NUP133: variants seen among roughly 807,000 people sequenced by gnomAD.
The protein encoded by NUP133 is nucleoporin 133.
A neutral mutation model predicts 146.2 loss-of-function variants in NUP133; 66 were observed. That is an observed-to-expected ratio of 0.45 (90% CI 0.37 to 0.55). NUP133 has a LOEUF of 0.55. NUP133 is among the 20% of genes least tolerant of loss of function. The pLI is 0.00. For missense variants in NUP133, 1,277 were observed against 1,374.8 expected (o/e 0.93, Z 1.12); for synonymous variants, 521 against 498.8 (o/e 1.04, Z -0.59).
In NUP133 at chr1:229,474,547, T is replaced by C. The variant is rs1661031114; in HGVS notation, c.1851+1091A>G. On this transcript the variant is annotated intron_variant, in intron 14 of 25. Coordinates refer to ENST00000261396, the MANE Select transcript of NUP133 (RefSeq NM_018230.3). ...GGAACAATCAAGTCATTTCTGAAAT[T>C]ATCTAGTGCTGCACTGTCCAATAAG... Among the ~76,000 whole-genome samples, 4 of 152,132 alleles carry C rather than the reference T, an allele frequency of 2.6e-5. No individual in the cohort carries two copies. The South Asian group carries it at 8.3e-4, about 31-fold the overall frequency.
intron 12 of NUP133, among the ~76,000 whole-genome samples, chr1:229,483,295 A>C (rs1261706905): frequency 6.6e-6 from 1 of 152,086 alleles, no homozygotes; most frequent in African/African-American, 2.4e-5. Flanking sequence ...TGTAGAGATG[A>C]GGTCTATGTT....
chr1:229,461,614 A>G (rs1660691755), intron 19 of NUP133, among the ~76,000 whole-genome samples: 1 of 152,194 alleles, frequency 6.6e-6, no homozygotes, highest in African/African-American at 2.4e-5. Flanking sequence ...ACAATGTCTA[A>G]AATACAATTT....
chr1:229,467,021 T>C (rs1280723301), intron 15 of NUP133, among the ~76,000 whole-genome samples: 1 of 152,188 alleles, frequency 6.6e-6, no homozygotes, highest in Non-Finnish European at 1.5e-5. Context: ...TTTTTTATTA[T>C]AGCTACTCTG....
Position 229,464,768 on chromosome 1 carries a change from C to T in NUP133, c.2407G>A (p.Glu803Lys), listed in dbSNP as rs373640878. ...ADSNLRNIVT[E>K]QLVALIDCFL... The stretch of plus-strand genomic sequence containing the variant: ...CAATCGATCAGGGCTACCAGCTGCT[C>T]GGTCACGATGTTTCGGAGGTTGCTG... Residue 803 changes from glutamate (E) to lysine (K), a missense_variant, in exon 18 of 26, where the codon GAG becomes AAG. This residue lies in a region of NUP133 where 952 missense variants were observed against 1,047.0 expected (regional missense o/e 0.91). Transcript: ENST00000261396. 1.9e-5 allele frequency: 30 copies of T among 1,614,178 alleles called. No individual in the cohort carries two copies. The highest frequency in any genetic ancestry group is 1.2e-4 in the South Asian group (11 of 91,078).
chr1:229,446,427 G>A (rs867423540), intron 24 of NUP133, among the ~76,000 whole-genome samples: 6 of 150,554 alleles, frequency 4.0e-5, no homozygotes, highest in African/African-American at 9.8e-5. Flanking sequence ...AAAACAAAAC[G>A]AACAAACAAA....
Position 229,476,057 on chromosome 1 carries a change from C to T in NUP133, c.1757-325G>A, listed in dbSNP as rs147042542. Reference sequence around the variant, plus strand: ...CGGGGAGGTGGAAGTTGCAGTGAGCCGAGATTGCGCCACTGCATTCCAGCC... The same window carrying T: ...CGGGGAGGTGGAAGTTGCAGTGAGCTGAGATTGCGCCACTGCATTCCAGCC... On this transcript the variant is annotated intron_variant, in intron 13 of 25. Coordinates refer to ENST00000261396, the MANE Select transcript of NUP133 (RefSeq NM_018230.3). Among the ~76,000 whole-genome samples the T allele has an allele frequency of 6.7e-3, 1,007 of 151,034 alleles. 15 individuals are homozygous for T. The highest frequency in any genetic ancestry group is 0.023 in the African/African-American group (928 of 41,096).
At chr1:229,476,471 G>C (rs1266268604) in intron 13 of NUP133, among the ~76,000 whole-genome samples, 1 of 152,180 alleles carries the variant, frequency 6.6e-6, no homozygotes, top group Non-Finnish European at 1.5e-5. Flanking sequence ...TCGAGTTTCT[G>C]AGGTGGAAGT....
At chr1:229,450,221 T>G (rs1048454808) in intron 23 of NUP133, among the ~76,000 whole-genome samples, 4 of 152,016 alleles carry the variant, frequency 2.6e-5, no homozygotes, top group Admixed American at 1.3e-4. Context: ...AGTCGTATAT[T>G]ACCTTCAGAA....
chr1:229,484,086 C>A lies in NUP133; in HGVS notation c.1560G>T (p.Lys520Asn), dbSNP rs1661286893. 6.2e-7 allele frequency: 1 copy of A among 1,613,356 alleles called. No individual in the cohort carries two copies. Among genetic ancestry groups the A allele is most frequent in the Admixed American group, 1.7e-5 (1 of 59,914 alleles). Reference sequence around the variant, plus strand: ...ATTGCAGAAAGGCAGCTTTCAGCAACTTGATTTTATCTTCCTGGGCTATAG... The same window carrying A: ...ATTGCAGAAAGGCAGCTTTCAGCAAATTGATTTTATCTTCCTGGGCTATAG... ...NETIAQEDKIKLLKAAFLQYC... is the reference protein window; with the variant it reads ...NETIAQEDKINLLKAAFLQYC... Residue 520 changes from lysine (K) to asparagine (N), a missense_variant, in exon 12 of 26, where the codon AAG becomes AAT. Transcript: ENST00000261396.
intron 8 of NUP133, 116 bp from the exon 9 acceptor site, chr1:229,490,218 C>T: frequency 2.3e-6 from 2 of 866,610 alleles, no homozygotes; most frequent in Non-Finnish European, 3.2e-6. Flanking sequence ...GACACCTATC[C>T]AAGAGAAAAT....
At chr1:229,487,214 T>A (rs1432021283) in intron 10 of NUP133, among the ~76,000 whole-genome samples, 2 of 152,158 alleles carry the variant, frequency 1.3e-5, no homozygotes, top group South Asian at 4.1e-4. Flanking sequence ...TTGGCAATAG[T>A]TTTTTGCTTC....
chr1:229,480,085 GGAA>G (rs998337697), intron 12 of NUP133, among the ~76,000 whole-genome samples: 4 of 152,202 alleles, frequency 2.6e-5, no homozygotes, highest in African/African-American at 9.7e-5. Flanking sequence ...GTCTCTGATA[GGAA>G]GAAGAGTACA....
intron 10 of NUP133, 23 bp from the exon 11 acceptor site, chr1:229,486,551 C>G (rs1190251747): frequency 6.3e-7 from 1 of 1,590,002 alleles, no homozygotes; most frequent in Non-Finnish European, 8.5e-7. Flanking sequence ...AAAACAGAGT[C>G]AAATACATCT....
chr1:229,465,429 G>GAACA lies in NUP133; in HGVS notation c.2286_2289dup (p.Pro764CysfsTer21). On this transcript the variant is annotated frameshift_variant, in exon 17 of 26. Coordinates refer to ENST00000261396, the MANE Select transcript of NUP133 (RefSeq NM_018230.3). LOFTEE classifies it high-confidence loss of function. ...TAAATCAGTATATTACCCGTCCATG[G>GAACA]AACATATTCAGGTTCTTTTTCTAGT... The GAACA allele has an allele frequency of 6.2e-7, 1 of 1,604,542 alleles. No homozygotes were observed. Among genetic ancestry groups the GAACA allele is most frequent in the East Asian group, 2.2e-5 (1 of 44,820 alleles).
intron 9 of NUP133, among the ~76,000 whole-genome samples, chr1:229,488,652 A>T (rs1661421855): frequency 6.6e-6 from 1 of 152,066 alleles, no homozygotes; most frequent in African/African-American, 2.4e-5. Context: ...GATTCAATTA[A>T]ACAAGTCATG....
chr1:229,476,389 A>T (rs1348964715), intron 13 of NUP133, among the ~76,000 whole-genome samples: 1 of 152,212 alleles, frequency 6.6e-6, no homozygotes, highest in African/African-American at 2.4e-5. Context: ...GAACTTGCTA[A>T]GAAGTAGGAT....
At position 229,500,818 on chromosome 1, in the gene NUP133, A is replaced by G. The variant is rs371625989; in HGVS notation, c.451T>C (p.Trp151Arg). ...GAAAGAGCCACTAAGTCGGCACTCC[A>G]GTGGAAATCACTAGGTGGCAGCTGA... ...ELQLPPSDFHWSADLVALSYS... is the reference protein window; with the variant it reads ...ELQLPPSDFHRSADLVALSYS... Residue 151 changes from tryptophan (W) to arginine (R), a missense_variant, in exon 4 of 26, where the codon TGG (tryptophan) becomes CGG (arginine). Physicochemically the swap from Trp to Arg is moderately radical, Grantham distance 101. This residue lies in a region of NUP133 where 319 missense variants were observed against 306.9 expected (regional missense o/e 1.04). Transcript: ENST00000261396. 28 of 1,613,046 alleles carry G rather than the reference A, an allele frequency of 1.7e-5. No individual in the cohort carries two copies. The Middle Eastern group carries it at 4.9e-4, about 28-fold the overall frequency.
intron 24 of NUP133, among the ~76,000 whole-genome samples, chr1:229,447,911 A>C (rs1183192357): frequency 6.6e-6 from 1 of 152,212 alleles, no homozygotes; most frequent in Non-Finnish European, 1.5e-5. Context: ...TGGTATCACA[A>C]GACACAGGTC....
chr1:229,473,374 G>A (rs1661001832), intron 14 of NUP133, among the ~76,000 whole-genome samples: 1 of 152,096 alleles, frequency 6.6e-6, no homozygotes, highest in Non-Finnish European at 1.5e-5. Flanking sequence ...AAACATAAAA[G>A]GCATGGCTGG....
Sources: gnomAD v4.1 joint callset for allele counts (sites outside exome capture counted in the v4.1 genomes callset) on GRCh38, gnomAD v4.1.1 for gene constraint, gnomAD v4.1.1 regional missense constraint, MANE v1.5 for transcripts, NCBI Gene and HGNC (gene_info 2026-07-23, HGNC 2026-07-21) for gene names.